PI4KA: variants seen among roughly 807,000 people sequenced by gnomAD.
PI4KA encodes phosphatidylinositol 4-kinase alpha, also known as PI4-kinase alpha.
Under a neutral mutation model 271.4 loss-of-function variants are expected in PI4KA, and 122 were observed. That is an observed-to-expected ratio of 0.45 (90% CI 0.39 to 0.52). The LOEUF (loss-of-function observed/expected upper bound fraction) is 0.52. Ranked by LOEUF, PI4KA falls within the 20% of genes least tolerant of loss-of-function variation. The pLI is 0.00. For missense variants in PI4KA, 1,969 were observed against 2,769.1 expected, an observed-to-expected ratio of 0.71 and a Z score of 6.48; for synonymous variants, 1,041 against 1,078.8, an observed-to-expected ratio of 0.96 and a Z score of 0.69.
intron 14 of PI4KA, 62 bp from the exon 15 acceptor site, chr22:20,799,828 T>C: frequency 9.0e-7 from 1 of 1,109,686 alleles, no homozygotes; most frequent in South Asian, 1.5e-5. Context: ...TTTTTGTTTT[T>C]TAATTTTTCC....
chr22:20,737,632 TTC>T (rs1568971820), intron 32 of PI4KA, among the ~76,000 whole-genome samples: 2 of 110,312 alleles, frequency 1.8e-5, no homozygotes, highest in African/African-American at 3.8e-5. Flanking sequence ...CCTACTCTTT[TTC>T]TTTTTTTTTT....
chr22:20,819,263 AGTCT>A (rs1922260221), intron 6 of PI4KA, among the ~76,000 whole-genome samples: 1 of 149,946 alleles, frequency 6.7e-6, no homozygotes. Flanking sequence ...CTTAACTAGG[AGTCT>A]GTATGTTTGG....
rs1473209526 is a variant in PI4KA, at chr22:20,858,794, G to A, written c.-69C>T. 3.7e-6 allele frequency: 5 copies of A among 1,362,708 alleles called. No individual in the cohort carries two copies. The South Asian group carries it at 6.3e-5, about 17-fold the overall frequency. 84.4% of individuals were successfully genotyped at this position (1,362,708 alleles called of 1,614,324 possible). A position where few individuals can be genotyped will look rare whatever the true frequency, so the allele number is the denominator to read the frequency against. Reference sequence around the variant, plus strand: ...GCCCGCGAGCGCCCGACCTCAGGGCGCAGGCGTAGGTGCATCCGGCTTTCC... The same window carrying A: ...GCCCGCGAGCGCCCGACCTCAGGGCACAGGCGTAGGTGCATCCGGCTTTCC... On this transcript the variant is annotated 5_prime_UTR_variant, in exon 1 of 55. Coordinates refer to ENST00000255882, the MANE Select transcript of PI4KA (RefSeq NM_058004.4).
intron 19 of PI4KA, among the ~76,000 whole-genome samples, chr22:20,769,090 A>C (rs1932763218): frequency 6.6e-6 from 1 of 152,166 alleles, no homozygotes; most frequent in Non-Finnish European, 1.5e-5. Context: ...TGGTTATGGA[A>C]AGGGTTGCGC....
In PI4KA at chr22:20,799,624, T is replaced by C. The variant is rs866025201; in HGVS notation, c.1820+47A>G. On this transcript the variant is annotated intron_variant, in intron 15 of 54. Transcript: ENST00000255882. ...CAATGCCAGGTGCCCCACACGAGCC[T>C]GCTGAGAACAATGGGCTGCCTCTGA... 1.5e-5 allele frequency: 21 copies of C among 1,361,814 alleles called. No homozygotes were observed. In the Middle Eastern group the frequency reaches 2.5e-3, roughly 163 times the overall value. The allele number at this position is 1,361,814 out of a possible 1,614,324, so 84.4% of individuals were successfully genotyped here.
intron 1 of PI4KA, among the ~76,000 whole-genome samples, chr22:20,853,437 T>A (rs1426500836): frequency 1.3e-5 from 2 of 152,054 alleles, no homozygotes; most frequent in African/African-American, 4.8e-5. Context: ...AGAACAAGAC[T>A]AGCGGGCAGA....
intron 32 of PI4KA, among the ~76,000 whole-genome samples, chr22:20,736,164 C>T (rs1164701706): frequency 1.3e-5 from 2 of 152,062 alleles, no homozygotes; most frequent in Non-Finnish European, 2.9e-5. Context: ...GAGATGAGCC[C>T]TGGAGGAGAC....
chr22:20,707,990 A>G lies in PI4KA; in HGVS notation c.*57T>C, dbSNP rs1924721142. The G allele has an allele frequency of 6.9e-7, 1 of 1,441,402 alleles. No individual in the cohort carries two copies. The highest frequency in any genetic ancestry group is 9.8e-7 in the Non-Finnish European group (1 of 1,023,224). The allele number at this position is 1,441,402 out of a possible 1,614,324, so 89.3% of individuals were successfully genotyped here. ...CAGGGCAGGGAGGTCGCAGGGCTCC[A>G]TGATTGTGGGACAGCTTTGAGGGCA... On this transcript the variant is annotated 3_prime_UTR_variant, in exon 55 of 55. Coordinates refer to ENST00000255882, the MANE Select transcript of PI4KA (RefSeq NM_058004.4).
chr22:20,750,504 C>T (rs921249605), intron 27 of PI4KA, among the ~76,000 whole-genome samples: 2 of 152,244 alleles, frequency 1.3e-5, no homozygotes, highest in African/African-American at 4.8e-5. Context: ...AACCTCAAGG[C>T]CCCTGGGGCC....
chr22:20,717,723 C>G lies in PI4KA; in HGVS notation c.5302G>C (p.Val1768Leu), dbSNP rs761685721. 3 of 1,582,052 alleles carry G rather than the reference C, an allele frequency of 1.9e-6. No individual in the cohort carries two copies. The highest frequency in any genetic ancestry group is 2.6e-6 in the Non-Finnish European group (3 of 1,162,414). Reference sequence around the variant, plus strand: ...ACCTGCTCACCCGGCTGCACCTTCACTTCAGACAGGGCCGACAGACAAGCC... The same window carrying G: ...ACCTGCTCACCCGGCTGCACCTTCAGTTCAGACAGGGCCGACAGACAAGCC... ...KKACLSALSE[V>L]KVQPGCYLPS... The change falls in exon 45 of 55, where the codon GTG becomes CTG. Residue 1768 changes from valine (V) to leucine (L), a missense_variant. Around this residue, in one of 13 missense-constraint regions of PI4KA, gnomAD observed 388 missense variants for 521.5 expected, o/e 0.74. Coordinates refer to ENST00000255882, the MANE Select transcript of PI4KA (RefSeq NM_058004.4).
chr22:20,802,279 AAT>A (rs1438278498), intron 13 of PI4KA, among the ~76,000 whole-genome samples, 174 bp from the exon 14 acceptor site: 1 of 152,232 alleles, frequency 6.6e-6, no homozygotes, highest in African/African-American at 2.4e-5. Flanking sequence ...AACAGGAAAT[AAT>A]ATGTTTAAAT....
intron 1 of PI4KA, among the ~76,000 whole-genome samples, chr22:20,852,231 G>A (rs1927070716): frequency 6.6e-6 from 1 of 152,202 alleles, no homozygotes; most frequent in Admixed American, 6.5e-5. Flanking sequence ...AAAGATTAGA[G>A]GCAACCACAC....
intron 1 of PI4KA, among the ~76,000 whole-genome samples, chr22:20,853,216 G>A (rs985579253): frequency 1.3e-5 from 2 of 152,154 alleles, no homozygotes; most frequent in Admixed American, 6.5e-5. Flanking sequence ...GGAATAGAAG[G>A]ACAAGGAATG....
chr22:20,740,456 G>C (rs1296478749), intron 32 of PI4KA, among the ~76,000 whole-genome samples: 1 of 108,900 alleles, frequency 9.2e-6, no homozygotes, highest in Non-Finnish European at 1.9e-5. Flanking sequence ...AGCCTAGGAA[G>C]TAAAAAAAAA....
intron 3 of PI4KA, among the ~76,000 whole-genome samples, chr22:20,829,751 T>G (rs1269081311): frequency 6.6e-6 from 1 of 152,178 alleles, no homozygotes; most frequent in African/African-American, 2.4e-5. Flanking sequence ...GATGTTAGGT[T>G]GTTAATTTGA....
At chr22:20,830,598 A>G (rs1453884242) in intron 3 of PI4KA, among the ~76,000 whole-genome samples, 2 of 151,982 alleles carry the variant, frequency 1.3e-5, no homozygotes, top group East Asian at 1.9e-4. Flanking sequence ...TCTTTATCCA[A>G]TTTGCCACAA....
intron 3 of PI4KA, among the ~76,000 whole-genome samples, chr22:20,825,126 G>A (rs958041008): frequency 2.8e-5 from 4 of 143,956 alleles, no homozygotes; most frequent in Admixed American, 2.1e-4. Flanking sequence ...GGAAAAAAGA[G>A]TATCCACTAT....
At chr22:20,858,470 G>C in intron 1 of PI4KA, 100 bp downstream of exon 1, 1 of 877,486 alleles carries the variant, frequency 1.1e-6, no homozygotes, top group Non-Finnish European at 1.5e-6. Context: ...GGCTGCCGGC[G>C]AGCCCAGCCT....
chr22:20,849,234 T>C (rs568044402), intron 1 of PI4KA, among the ~76,000 whole-genome samples: 1 of 152,318 alleles, frequency 6.6e-6, no homozygotes, highest in Non-Finnish European at 1.5e-5. Context: ...AAGCCCTCTG[T>C]ACACCGTTGG....
Sources: gnomAD v4.1 joint callset for allele counts (sites outside exome capture counted in the v4.1 genomes callset) on GRCh38, gnomAD v4.1.1 for gene constraint, gnomAD v4.1.1 regional missense constraint, MANE v1.5 for transcripts, NCBI Gene and HGNC (gene_info 2026-07-23, HGNC 2026-07-21) for gene names.